NKD1: variants seen among roughly 807,000 people sequenced by gnomAD.
NKD1 encodes NKD inhibitor of Wnt signaling pathway 1.
In NKD1, 21 loss-of-function variants were observed where a neutral mutation model predicts 56.0. The observed-to-expected ratio is 0.38, with a 90% CI of 0.27 to 0.54. The LOEUF (loss-of-function observed/expected upper bound fraction) is 0.54, where lower values mean the gene tolerates loss of function less well. Among genes scored for constraint, NKD1 ranks in the 20% least tolerant of loss-of-function variants. The probability of loss-of-function intolerance (pLI) is 0.82; values close to 1 mark genes in which losing one functional copy is unlikely to be tolerated. For missense variants in NKD1, 578 were observed against 642.7 expected, an observed-to-expected ratio of 0.90 and a Z score of 1.09; for synonymous variants, 263 against 265.7, an observed-to-expected ratio of 0.99 and a Z score of 0.10.
At chr16:50,589,145 C>T (rs1031382175) in intron 3 of NKD1, among the ~76,000 whole-genome samples, 4 of 152,288 alleles carry the variant, frequency 2.6e-5, no homozygotes, top group Middle Eastern at 3.4e-3. Context: ...CCTCGTTGCG[C>T]GGTGACTCTT....
chr16:50,591,678 G>A (rs1269020709), intron 3 of NKD1, among the ~76,000 whole-genome samples: 1 of 152,244 alleles, frequency 6.6e-6, no homozygotes, highest in Non-Finnish European at 1.5e-5. Context: ...GTTTCCCAGT[G>A]AGCTGGACTG....
At chr16:50,590,261 T>C (rs1413913667) in intron 3 of NKD1, among the ~76,000 whole-genome samples, 5 of 152,344 alleles carry the variant, frequency 3.3e-5, no homozygotes, top group East Asian at 3.9e-4. Context: ...CATCTCCCCA[T>C]ACTGATACTT....
chr16:50,597,515 C>T (rs1961499511), intron 3 of NKD1, among the ~76,000 whole-genome samples: 1 of 152,118 alleles, frequency 6.6e-6, no homozygotes, highest in South Asian at 2.1e-4. Flanking sequence ...TTCAAATCAC[C>T]CAGAAAATCA....
At chr16:50,580,077 A>G (rs568999860) in intron 3 of NKD1, among the ~76,000 whole-genome samples, 1 of 151,536 alleles carries the variant, frequency 6.6e-6, no homozygotes, top group African/African-American at 2.4e-5. Flanking sequence ...GTCGCTACAC[A>G]TGCACTCTAA....
At chr16:50,583,082 C>T (rs190017393) in intron 3 of NKD1, among the ~76,000 whole-genome samples, 14 of 152,194 alleles carry the variant, frequency 9.2e-5, no homozygotes, top group Admixed American at 5.2e-4. Flanking sequence ...GAGGGGGCCG[C>T]GTGTAGGAGG....
rs1962459902 is a variant in NKD1, at chr16:50,636,069, G to A, written c.*2288G>A. 1 of 152,206 alleles carries A rather than the reference G, an allele frequency of 6.6e-6. No individual in the cohort carries two copies. Among genetic ancestry groups the A allele is most frequent in the African/African-American group, 2.4e-5 (1 of 41,428 alleles). The allele number at this position is 152,206 out of a possible 1,614,324, so 9.4% of individuals were successfully genotyped here. ...AAAAAGGACCTTCCGTTAGTGTAAA[G>A]CCCAAGGCAGGATTCTGCTTGGCTG... On this transcript the variant is annotated 3_prime_UTR_variant, in exon 10 of 10. Transcript: ENST00000268459.
At chr16:50,573,234 A>G (rs1289390679) in intron 3 of NKD1, among the ~76,000 whole-genome samples, 1 of 152,120 alleles carries the variant, frequency 6.6e-6, no homozygotes, top group Non-Finnish European at 1.5e-5. Flanking sequence ...CCGTACCTCT[A>G]CCTTCAGCAC....
Position 50,649,249 on chromosome 16 carries a change from A to G in NKD1, c.*15468A>G, listed in dbSNP as rs573488081. On this transcript the variant is annotated 3_prime_UTR_variant, in exon 10 of 10. Transcript: ENST00000268459. The stretch of plus-strand genomic sequence containing the variant: ...TTCAAAATAAAAAAATTTTAAAAAT[A>G]GTGGCGTTGCTCAGATCTCAGTGCT... 6.6e-6 allele frequency: 1 copy of G among 152,334 alleles called. No homozygotes were observed. Among genetic ancestry groups the G allele is most frequent in the South Asian group, 2.1e-4 (1 of 4,810 alleles). 9.4% of individuals were successfully genotyped at this position (152,334 alleles called of 1,614,324 possible).
At chr16:50,626,650 C>A (rs1442664152) in intron 6 of NKD1, among the ~76,000 whole-genome samples, 1 of 152,200 alleles carries the variant, frequency 6.6e-6, no homozygotes, top group East Asian at 1.9e-4. Flanking sequence ...GAGGCCCTGG[C>A]AGGCAACCTG....
rs1046812099 is a variant in NKD1 at position 50,641,812 on chromosome 16, C to T, written c.*8031C>T. On this transcript the variant is annotated 3_prime_UTR_variant, in exon 10 of 10. Coordinates refer to ENST00000268459, the MANE Select transcript of NKD1 (RefSeq NM_033119.5). ...TCATGGGGAAGTCTTTGGGGCAGTC[C>T]TGGAGACCCTCACAATGTGGCCCCA... is the stretch of plus-strand genomic sequence containing the variant. The T allele has an allele frequency of 6.6e-6, 1 of 152,378 alleles. No individual in the cohort carries two copies. Among genetic ancestry groups the T allele is most frequent in the African/African-American group, 2.4e-5 (1 of 41,454 alleles). The allele number at this position is 152,378 out of a possible 1,614,324, so 9.4% of individuals were successfully genotyped here. A position where few individuals can be genotyped will look rare whatever the true frequency, so the allele number is the denominator to read the frequency against.
chr16:50,621,536 C>A, intron 4 of NKD1, 66 bp from the exon 5 acceptor site: 1 of 1,121,170 alleles, frequency 8.9e-7, no homozygotes, highest in Non-Finnish European at 1.3e-6. Context: ...GACAAAGGTG[C>A]AGTGAGCATG....
chr16:50,600,035 C>T (rs183843179), intron 3 of NKD1, among the ~76,000 whole-genome samples: 9 of 152,206 alleles, frequency 5.9e-5, no homozygotes, highest in Non-Finnish European at 7.4e-5. Flanking sequence ...TCTGGTGTCT[C>T]TCCCCCACCC....
In NKD1 at chr16:50,565,749, T is replaced by C. The variant is rs181214429; in HGVS notation, c.192+16194T>C. Among the ~76,000 whole-genome samples the C allele has an allele frequency of 1.3e-4, 20 of 152,376 alleles. No homozygotes were observed. The East Asian group carries it at 3.1e-3, about 23-fold the overall frequency. On this transcript the variant is annotated intron_variant, in intron 3 of 9. Transcript: ENST00000268459. ...CTTAAGATTTTCTTTTAACTTAAGA[T>C]TCATGTATACATCTGTCTCCGCACC...
chr16:50,560,280 C>T (rs973393045), intron 3 of NKD1, among the ~76,000 whole-genome samples: 2 of 152,226 alleles, frequency 1.3e-5, no homozygotes, highest in Admixed American at 6.5e-5. Flanking sequence ...TTCTCAGTGG[C>T]TGCAGGCTCA....
At chr16:50,574,889 C>A (rs1264215704) in intron 3 of NKD1, 5 of 985,342 alleles carry the variant, frequency 5.1e-6, no homozygotes, top group Non-Finnish European at 6.0e-6. Flanking sequence ...AAGTTTGAAA[C>A]TTCCTCTCCT....
chr16:50,648,349 T>TC lies in NKD1; in HGVS notation c.*14570dup, dbSNP rs1188077461. ...GCACTCTTGGTCCAACACCCTCAAC[T>TC]CCAACACCTCTGTCTTTCTGCCCCA... On this transcript the variant is annotated 3_prime_UTR_variant, in exon 10 of 10. Transcript: ENST00000268459. The TC allele has an allele frequency of 6.6e-6, 1 of 152,478 alleles. No individual in the cohort carries two copies. Among genetic ancestry groups the TC allele is most frequent in the Non-Finnish European group, 1.5e-5 (1 of 68,026 alleles). The allele number at this position is 152,478 out of a possible 1,614,324, so 9.4% of individuals were successfully genotyped here.
intron 3 of NKD1, among the ~76,000 whole-genome samples, chr16:50,577,836 A>G (rs565565850): frequency 1.3e-5 from 2 of 152,372 alleles, no homozygotes; most frequent in South Asian, 4.1e-4. Context: ...ACCTTTATGT[A>G]GAGGCATTCA....
At chr16:50,559,252 G>C (rs916139976) in intron 3 of NKD1, among the ~76,000 whole-genome samples, 1 of 152,224 alleles carries the variant, frequency 6.6e-6, no homozygotes, top group African/African-American at 2.4e-5. Context: ...TTGTTTGCTA[G>C]TGATCACCTG....
At chr16:50,560,022 G>A (rs943825155) in intron 3 of NKD1, among the ~76,000 whole-genome samples, 3 of 152,180 alleles carry the variant, frequency 2.0e-5, no homozygotes, top group Non-Finnish European at 2.9e-5. Flanking sequence ...GTGCTGGTGT[G>A]TGGTGCCATG....
Sources: gnomAD v4.1 joint callset for allele counts (sites outside exome capture counted in the v4.1 genomes callset) on GRCh38, gnomAD v4.1.1 for gene constraint, MANE v1.5 for transcripts, NCBI Gene and HGNC (gene_info 2026-07-23, HGNC 2026-07-21) for gene names.